Variants in MYO5B observed in about 807,000 individuals in gnomAD.
MYO5B encodes unconventional myosin-Vb.
In MYO5B, 143 loss-of-function variants were observed where a neutral mutation model predicts 229.3. The ratio of observed to expected loss-of-function variants is 0.62; its 90% CI spans 0.54 to 0.72. MYO5B has a LOEUF of 0.72. Among genes scored for constraint, MYO5B ranks in the 30% least tolerant of loss-of-function variants. MYO5B has a pLI of 0.00. For missense variants in MYO5B, 2,321 were observed against 2,331.0 expected, an observed-to-expected ratio of 1.00 and a Z score of 0.09; for synonymous variants, 918 against 885.2, an observed-to-expected ratio of 1.04 and a Z score of -0.66.
intron 1 of MYO5B, among the ~76,000 whole-genome samples, chr18:50,187,459 T>C (rs534689830): frequency 7.3e-5 from 11 of 151,002 alleles, no homozygotes; most frequent in Non-Finnish European, 1.5e-4. Flanking sequence ...CATGTAAGCA[T>C]AAGACAGTCT....
Position 50,043,213 on chromosome 18 carries a change from G to A in MYO5B, c.139-2899C>T, listed in dbSNP as rs372864169. On this transcript the variant is annotated intron_variant, in intron 2 of 39. Coordinates refer to ENST00000285039, the MANE Select transcript of MYO5B (RefSeq NM_001080467.3). The stretch of plus-strand genomic sequence containing the variant: ...CCATCAATGAGTGGATAAAGAAATT[G>A]TGGTGTGTGTGTATATATACACAAA... Among the ~76,000 whole-genome samples, 12 of 142,428 alleles carry A rather than the reference G, an allele frequency of 8.4e-5. No individual in the cohort carries two copies. In the South Asian group the frequency reaches 1.9e-3, roughly 23 times the overall value. 93.4% of individuals were successfully genotyped at this position (142,428 alleles called of 152,430 possible).
At chr18:49,912,842 C>T (rs2024973074) in intron 17 of MYO5B, among the ~76,000 whole-genome samples, 1 of 152,240 alleles carries the variant, frequency 6.6e-6, no homozygotes, top group Admixed American at 6.5e-5. Context: ...TGCTCCACTC[C>T]TCAGAAGCAG....
chr18:49,948,939 A>AAGT (rs2025403657), intron 14 of MYO5B, among the ~76,000 whole-genome samples: 1 of 152,194 alleles, frequency 6.6e-6, no homozygotes, highest in Non-Finnish European at 1.5e-5. Flanking sequence ...CTGCACTTGG[A>AAGT]AGTGGTAGGA....
At chr18:50,118,053 G>A (rs1599033843) in intron 1 of MYO5B, among the ~76,000 whole-genome samples, 1 of 152,256 alleles carries the variant, frequency 6.6e-6, no homozygotes, top group Non-Finnish European at 1.5e-5. Flanking sequence ...TGATGAAAAT[G>A]GCCTTTTTAT....
At chr18:50,194,714 G>T in intron 1 of MYO5B, 53 bp downstream of exon 1, 3 of 1,305,994 alleles carry the variant, frequency 2.3e-6, no homozygotes, top group Non-Finnish European at 3.1e-6. Context: ...GTACTAGGTG[G>T]CCCCGAGCGC....
In MYO5B at chr18:50,001,257, C is replaced by G; in HGVS notation, c.610G>C (p.Glu204Gln). The G allele has an allele frequency of 6.2e-7, 1 of 1,614,162 alleles. No individual in the cohort carries two copies. The highest frequency in any genetic ancestry group is 1.7e-5 in the Admixed American group (1 of 60,030). The change falls in exon 5 of 40, where the codon GAG (glutamate) becomes CAG (glutamine). Residue 204 changes from glutamate to glutamine, a missense_variant and splice_region_variant. Glu to Gln is a conservative substitution (Grantham distance 29). Transcript: ENST00000285039. ...CCAGGACACCTAGAAGGCTTTACCT[C>G]CATGATGGGACTGGATGCCAGCACC... ...EKVLASSPIM[E>Q]AIGNAKTTRN...
chr18:50,022,952 TAACAGCAGACCAGCATTGTTGGAGGAGGC>T (rs2026292919), intron 4 of MYO5B, among the ~76,000 whole-genome samples: 1 of 152,106 alleles, frequency 6.6e-6, no homozygotes, highest in Non-Finnish European at 1.5e-5. Flanking sequence ...CTGTTTAAGA[TAACAGCAGACCAGCATTGTTGGAGGAGGC>T]AACTGACAAA....
intron 1 of MYO5B, among the ~76,000 whole-genome samples, chr18:50,088,085 G>A (rs1452152576): frequency 2.0e-5 from 3 of 152,172 alleles, no homozygotes; most frequent in Non-Finnish European, 4.4e-5. Context: ...ATAGACCAGG[G>A]AAAGAAGCCA....
rs926498764 is a variant in MYO5B, at chr18:50,020,176, C to A, written c.455+16674G>T. ...ATGCATCAGCTCACAGCATACATTGCAGGCTCAGGTTCATACTTTCTTCTC... is the reference window on the plus strand; with the variant it reads ...ATGCATCAGCTCACAGCATACATTGAAGGCTCAGGTTCATACTTTCTTCTC... On this transcript the variant is annotated intron_variant, in intron 4 of 39. Transcript: ENST00000285039. 3.0e-4 allele frequency among the ~76,000 whole-genome samples: 45 copies of A among 152,242 alleles called. 1 individual carries two copies. The highest frequency in any genetic ancestry group is 1.3e-4 in the Admixed American group (2 of 15,276).
chr18:49,965,475 A>ACACACACG (rs1448753114), intron 10 of MYO5B, among the ~76,000 whole-genome samples: 1 of 151,616 alleles, frequency 6.6e-6, no homozygotes, highest in Non-Finnish European at 1.5e-5. Flanking sequence ...ACACACACAC[A>ACACACACG]CACACACACC....
At chr18:49,900,442 C>G (rs758209176) in intron 21 of MYO5B, among the ~76,000 whole-genome samples, 2 of 152,170 alleles carry the variant, frequency 1.3e-5, no homozygotes, top group Non-Finnish European at 2.9e-5. Flanking sequence ...AAACAAGGCA[C>G]CCTGTAGAAC....
intron 19 of MYO5B, among the ~76,000 whole-genome samples, chr18:49,905,985 C>T (rs1010244526): frequency 6.6e-6 from 1 of 152,164 alleles, no homozygotes; most frequent in African/African-American, 2.4e-5. Context: ...AAGGGGCCTC[C>T]CAGGACCTTT....
At chr18:49,946,754 G>A (rs1323261930) in intron 14 of MYO5B, among the ~76,000 whole-genome samples, 1 of 152,184 alleles carries the variant, frequency 6.6e-6, no homozygotes, top group Non-Finnish European at 1.5e-5. Flanking sequence ...CTGCTGTTGA[G>A]ACTGCCTTTG....
chr18:49,830,125 T>C (rs1598815378), intron 39 of MYO5B, among the ~76,000 whole-genome samples: 1 of 143,540 alleles, frequency 7.0e-6, no homozygotes, highest in East Asian at 2.0e-4. Flanking sequence ...ATATCTTACA[T>C]GTAGAAAAAC....
intron 4 of MYO5B, among the ~76,000 whole-genome samples, chr18:50,018,995 C>A (rs959553495): frequency 2.0e-5 from 3 of 152,186 alleles, no homozygotes; most frequent in Admixed American, 2.0e-4. Flanking sequence ...TGCCCACTTA[C>A]ATTATTGGAC....
intron 14 of MYO5B, among the ~76,000 whole-genome samples, chr18:49,942,874 C>A (rs1568040440): frequency 6.6e-6 from 1 of 152,004 alleles, no homozygotes; most frequent in Non-Finnish European, 1.5e-5. Flanking sequence ...GGTATATACC[C>A]AAAGGATTAT....
intron 1 of MYO5B, among the ~76,000 whole-genome samples, chr18:50,133,580 C>T (rs974338709): frequency 6.6e-6 from 1 of 152,146 alleles, no homozygotes; most frequent in Non-Finnish European, 1.5e-5. Flanking sequence ...ATCCCTCCAT[C>T]CCTCCGTCCG....
At chr18:50,055,639 T>C (rs1036059088) in intron 1 of MYO5B, among the ~76,000 whole-genome samples, 3 of 152,190 alleles carry the variant, frequency 2.0e-5, no homozygotes, top group Non-Finnish European at 4.4e-5. Context: ...CCCAAGAGAC[T>C]GTTGAGCCTG....
At chr18:49,953,894 A>ATGTGTGTG (rs71169463) in intron 13 of MYO5B, among the ~76,000 whole-genome samples, 81 of 108,550 alleles carry the variant, frequency 7.5e-4, no homozygotes, top group African/African-American at 2.0e-3. Flanking sequence ...ATATACATAT[A>ATGTGTGTG]TGTGTGTGTG....
Sources: gnomAD v4.1 joint callset for allele counts (sites outside exome capture counted in the v4.1 genomes callset) on GRCh38, gnomAD v4.1.1 for gene constraint, MANE v1.5 for transcripts, NCBI Gene and HGNC (gene_info 2026-07-23, HGNC 2026-07-21) for gene names.